The following CNGB3 variants were observed in gnomAD, a reference collection of about 807,000 sequenced individuals.
CNGB3 encodes the protein cyclic nucleotide gated channel subunit beta 3.
Under a neutral mutation model 92.8 loss-of-function variants are expected in CNGB3, and 86 were observed. That is an observed-to-expected ratio of 0.93 (90% confidence interval 0.78 to 1.11). The LOEUF (loss-of-function observed/expected upper bound fraction) is 1.11. Among genes scored for constraint, CNGB3 ranks in the 50% least tolerant of loss-of-function variants. The pLI is 0.00. For synonymous variants in CNGB3, 333 were observed against 332.7 expected (o/e 1.00, Z -0.01); for missense variants, 1,026 against 956.8 (o/e 1.07, Z -0.95).
At chr8:86,705,869 G>C (rs1292924797) in intron 3 of CNGB3, among the ~76,000 whole-genome samples, 2 of 152,186 alleles carry the variant, frequency 1.3e-5, no homozygotes, top group Non-Finnish European at 2.9e-5. Flanking sequence ...CACAGACTAG[G>C]AATAGTGGGT....
rs537807204 is a variant in CNGB3 at position 86,727,063 on chromosome 8, C to A, written c.212-406G>T. On this transcript the variant is annotated intron_variant, in intron 2 of 17. Coordinates refer to ENST00000320005, the MANE Select transcript of CNGB3 (RefSeq NM_019098.5). ...ATGTTACTGTAATAAATACTGTAAG[C>A]CATTCTAACACAATGGTCAGTCTGT... Among the ~76,000 whole-genome samples, 6 of 152,190 alleles carry A rather than the reference C, an allele frequency of 3.9e-5. No homozygotes were observed. The South Asian group carries it at 1.2e-3, about 32-fold the overall frequency.
chr8:86,712,968 GAAAAGAAAA>G (rs1824778858), intron 3 of CNGB3, among the ~76,000 whole-genome samples: 1 of 151,150 alleles, frequency 6.6e-6, no homozygotes, highest in Non-Finnish European at 1.5e-5. Context: ...AAAGAAAAAA[GAAAAGAAAA>G]AAAGGAGAGA....
intron 3 of CNGB3, among the ~76,000 whole-genome samples, chr8:86,686,122 C>T (rs1824183531): frequency 6.6e-6 from 1 of 152,046 alleles, no homozygotes; most frequent in South Asian, 2.1e-4. Context: ...GAGAGGTAGG[C>T]TACTCTCCTG....
intron 5 of CNGB3, 144 bp from the exon 6 acceptor site, chr8:86,667,277 T>C: frequency 2.8e-6 from 2 of 726,786 alleles, no homozygotes; most frequent in South Asian, 1.5e-5. Context: ...AACACCATTC[T>C]GCCTCTGGAC....
chr8:86,599,619 T>C (rs1478681691), intron 15 of CNGB3, among the ~76,000 whole-genome samples: 1 of 147,840 alleles, frequency 6.8e-6, no homozygotes, highest in African/African-American at 2.7e-5. Flanking sequence ...AATGGCCACC[T>C]TGGGGGCGGC....
In CNGB3 at chr8:86,726,439, A is replaced by G. The variant is rs984607069; in HGVS notation, c.338+92T>C. 5.4e-5 allele frequency: 83 copies of G among 1,543,436 alleles called. No individual in the cohort carries two copies. In the African/African-American group the frequency reaches 1.0e-3, roughly 19 times the overall value. Reference sequence around the variant, plus strand: ...ACTATTGAATTTTTTCTGCCCTTATATTCAGCTAAAGGGGAGAGTGGATAT... The same window carrying G: ...ACTATTGAATTTTTTCTGCCCTTATGTTCAGCTAAAGGGGAGAGTGGATAT... On this transcript the variant is annotated intron_variant, in intron 3 of 17. Transcript: ENST00000320005.
intron 3 of CNGB3, among the ~76,000 whole-genome samples, chr8:86,712,420 A>G (rs1023686921): frequency 3.9e-5 from 6 of 152,038 alleles, no homozygotes; most frequent in African/African-American, 1.4e-4. Context: ...GTATGGTTTT[A>G]TTATTTTACA....
At chr8:86,633,870 T>C (rs746778498) in intron 10 of CNGB3, among the ~76,000 whole-genome samples, 7 of 152,222 alleles carry the variant, frequency 4.6e-5, no homozygotes, top group African/African-American at 7.2e-5. Context: ...ATTATATTAT[T>C]GAATACGTAA....
At chr8:86,619,728 CT>C (rs71275868) in intron 13 of CNGB3, among the ~76,000 whole-genome samples, 22,077 of 72,278 alleles carry the variant, frequency 0.31, 1,634 homozygotes, top group East Asian at 0.42. Context: ...TGGTCTTGAC[CT>C]TTTTTTTTTT....
intron 3 of CNGB3, among the ~76,000 whole-genome samples, chr8:86,682,322 A>C (rs1824097567): frequency 6.6e-6 from 1 of 152,144 alleles, no homozygotes; most frequent in African/African-American, 2.4e-5. Flanking sequence ...ATAAGTCCTG[A>C]TTTCCTGCCT....
At chr8:86,738,577 C>A (rs914579521) in intron 2 of CNGB3, among the ~76,000 whole-genome samples, 2 of 152,106 alleles carry the variant, frequency 1.3e-5, no homozygotes, top group Non-Finnish European at 2.9e-5. Flanking sequence ...CGGTGGCTCA[C>A]GCCTGTAATC....
intron 3 of CNGB3, among the ~76,000 whole-genome samples, chr8:86,693,589 GC>G (rs1385682460): frequency 2.6e-4 from 39 of 150,470 alleles, no homozygotes; most frequent in African/African-American, 9.5e-4. Context: ...AGAGGACCCT[GC>G]GGCCTTCCGC....
chr8:86,611,818 A>G, intron 13 of CNGB3, 147 bp from the exon 14 acceptor site: 1 of 664,772 alleles, frequency 1.5e-6, no homozygotes, highest in Non-Finnish European at 2.6e-6. Context: ...ACATGTCATG[A>G]CTCAAAATTT....
intron 15 of CNGB3, among the ~76,000 whole-genome samples, chr8:86,602,168 T>C (rs2131557419): frequency 6.6e-6 from 1 of 152,288 alleles, no homozygotes; most frequent in Middle Eastern, 3.4e-3. Context: ...AAATATTAAA[T>C]CACTTTTGCA....
chr8:86,697,509 C>T (rs1197499044), intron 3 of CNGB3, among the ~76,000 whole-genome samples: 1 of 152,124 alleles, frequency 6.6e-6, no homozygotes, highest in Non-Finnish European at 1.5e-5. Flanking sequence ...GCTATGAATT[C>T]ACTGGTACAC....
At chr8:86,729,167 C>A (rs1563768588) in intron 2 of CNGB3, among the ~76,000 whole-genome samples, 2 of 152,122 alleles carry the variant, frequency 1.3e-5, no homozygotes, top group Non-Finnish European at 2.9e-5. Flanking sequence ...TGTCAAAGTG[C>A]TGGGATTATT....
At chr8:86,696,932 A>G (rs1182392371) in intron 3 of CNGB3, among the ~76,000 whole-genome samples, 1 of 152,194 alleles carries the variant, frequency 6.6e-6, no homozygotes, top group Non-Finnish European at 1.5e-5. Flanking sequence ...ATAGTATATT[A>G]TTTGCAACCC....
At chr8:86,594,740 C>T (rs1822131776) in intron 15 of CNGB3, among the ~76,000 whole-genome samples, 1 of 140,712 alleles carries the variant, frequency 7.1e-6, no homozygotes, top group Non-Finnish European at 1.5e-5. Flanking sequence ...GAAGGAGTCT[C>T]GCTCTGTCAC....
At chr8:86,650,931 G>A (rs1020736368) in intron 7 of CNGB3, among the ~76,000 whole-genome samples, 1 of 151,764 alleles carries the variant, frequency 6.6e-6, no homozygotes, top group Non-Finnish European at 1.5e-5. Flanking sequence ...ATTGACCAAT[G>A]AGTGGATAAA....
Sources: allele counts gnomAD v4.1 joint callset (sites outside exome capture counted in the v4.1 genomes callset), GRCh38; gene constraint gnomAD v4.1.1; transcripts MANE v1.5; gene names NCBI Gene and HGNC (gene_info 2026-07-23, HGNC 2026-07-21).